ARL15: variants seen among roughly 807,000 people sequenced by gnomAD.
ARL15 encodes ADP-ribosylation factor-like protein 15.
ARL15 carries 19 observed loss-of-function variants against 25.2 expected under a neutral mutation model. The ratio of observed to expected loss-of-function variants is 0.75; its 90% confidence interval spans 0.53 to 1.10. The LOEUF (loss-of-function observed/expected upper bound fraction) is 1.10, where lower values mean the gene tolerates loss of function less well. Among genes scored for constraint, ARL15 ranks in the 50% least tolerant of loss-of-function variants. ARL15 has a pLI of 0.00. For synonymous variants in ARL15, 94 were observed against 86.8 expected (o/e 1.08, Z -0.46); for missense variants, 220 against 246.0 (o/e 0.89, Z 0.71).
intron 4 of ARL15, among the ~76,000 whole-genome samples, chr5:53,934,694 G>A (rs1326424476): frequency 6.6e-6 from 1 of 152,088 alleles, no homozygotes. Flanking sequence ...AAAGTTTTTG[G>A]ACTCCTGCCC....
At chr5:54,070,458 G>C (rs1045255613) in intron 4 of ARL15, among the ~76,000 whole-genome samples, 11 of 151,794 alleles carry the variant, frequency 7.2e-5, no homozygotes, top group African/African-American at 1.9e-4. Context: ...GGGTCACCTC[G>C]GGACTCTGTA....
At chr5:54,069,966 CA>C (rs113814866) in intron 4 of ARL15, among the ~76,000 whole-genome samples, 27,112 of 151,142 alleles carry the variant, frequency 0.18, 3,159 homozygotes, top group African/African-American at 0.33. Flanking sequence ...TGAGCCACCA[CA>C]CCTGGCTGGA....
intron 4 of ARL15, among the ~76,000 whole-genome samples, chr5:54,028,835 G>A (rs954161738): frequency 3.9e-5 from 6 of 152,002 alleles, no homozygotes; most frequent in African/African-American, 1.2e-4. Flanking sequence ...AACATAGCAC[G>A]ACCCCATCTC....
At position 54,250,668 on chromosome 5, in the gene ARL15, G is replaced by A. The variant is rs531869001; in HGVS notation, c.48+59764C>T. Among the ~76,000 whole-genome samples, 11 of 152,092 alleles carry A rather than the reference G, an allele frequency of 7.2e-5. No homozygotes were observed. The East Asian group carries it at 1.5e-3, about 21-fold the overall frequency. On this transcript the variant is annotated intron_variant, in intron 1 of 4. Transcript: ENST00000504924. The stretch of plus-strand genomic sequence containing the variant: ...GTACAGGGACATGGGTAGTAGGGAC[G>A]GGACCAAAAAAAACACCAAGAGCTG...
intron 1 of ARL15, among the ~76,000 whole-genome samples, chr5:54,290,206 C>T (rs1758288730): frequency 6.6e-6 from 1 of 152,194 alleles, no homozygotes; most frequent in South Asian, 2.1e-4. Context: ...CATTTTTTAG[C>T]CAGGCCTCAC....
At chr5:54,233,756 G>A (rs767549254) in intron 1 of ARL15, among the ~76,000 whole-genome samples, 1 of 152,124 alleles carries the variant, frequency 6.6e-6, no homozygotes, top group Non-Finnish European at 1.5e-5. Flanking sequence ...ATCAGAAAAG[G>A]CTATTAAAAT....
intron 4 of ARL15, among the ~76,000 whole-genome samples, chr5:54,032,300 C>G (rs1579720135): frequency 6.6e-6 from 1 of 151,890 alleles, no homozygotes; most frequent in African/African-American, 2.4e-5. Flanking sequence ...GTGGCGTGAT[C>G]TAGGCTCATT....
chr5:54,290,497 G>A (rs1273471430), intron 1 of ARL15, among the ~76,000 whole-genome samples: 3 of 151,800 alleles, frequency 2.0e-5, no homozygotes, highest in Non-Finnish European at 2.9e-5. Flanking sequence ...TAGTAGAGAC[G>A]GGGTTTCACC....
intron 4 of ARL15, among the ~76,000 whole-genome samples, chr5:54,091,781 G>GAA (rs568059007): frequency 8.9e-5 from 13 of 145,470 alleles, no homozygotes; most frequent in Admixed American, 4.8e-4. Context: ...AGGAAACACA[G>GAA]AAAAAAAAAA....
In ARL15 at chr5:54,136,583, A is replaced by T. The variant is rs554479117; in HGVS notation, c.253+17997T>A. 2.6e-5 allele frequency among the ~76,000 whole-genome samples: 4 copies of T among 152,322 alleles called. No individual in the cohort carries two copies. In the East Asian group the frequency reaches 7.7e-4, roughly 29 times the overall value. ...AACAGATTGTGAGGGAAAAAAAAAC[A>T]TACATTAAAAGAAGAATCTGGAGAA... On this transcript the variant is annotated intron_variant, in intron 3 of 4. Coordinates refer to ENST00000504924, the MANE Select transcript of ARL15 (RefSeq NM_019087.3).
At chr5:54,217,068 G>A (rs1233694516) in intron 1 of ARL15, among the ~76,000 whole-genome samples, 6 of 151,998 alleles carry the variant, frequency 3.9e-5, no homozygotes, top group African/African-American at 1.4e-4. Context: ...ATAGGAAAAC[G>A]AGATAAACAG....
At chr5:53,990,233 T>TAA (rs75093797) in intron 4 of ARL15, among the ~76,000 whole-genome samples, 64 of 148,020 alleles carry the variant, frequency 4.3e-4, no homozygotes, top group East Asian at 1.0e-3. Flanking sequence ...GCCCTGTCTC[T>TAA]AAAAAAAAAA....
chr5:54,062,203 G>T (rs1277779167), intron 4 of ARL15, among the ~76,000 whole-genome samples: 1 of 152,276 alleles, frequency 6.6e-6, no homozygotes, highest in East Asian at 1.9e-4. Context: ...GATTTTACAG[G>T]CTCATAGGTG....
At chr5:54,052,038 A>G (rs529301811) in intron 4 of ARL15, among the ~76,000 whole-genome samples, 17 of 152,234 alleles carry the variant, frequency 1.1e-4, no homozygotes, top group Non-Finnish European at 2.5e-4. Flanking sequence ...CAGTCTCAAA[A>G]AGCTATATAA....
At chr5:53,933,297 T>C (rs1188141667) in intron 4 of ARL15, among the ~76,000 whole-genome samples, 1 of 152,136 alleles carries the variant, frequency 6.6e-6, no homozygotes, top group African/African-American at 2.4e-5. Context: ...GTAGTTTGAA[T>C]AGCATTCTTT....
At chr5:54,193,324 C>T (rs1367196268) in intron 1 of ARL15, among the ~76,000 whole-genome samples, 2 of 152,128 alleles carry the variant, frequency 1.3e-5, no homozygotes, top group African/African-American at 4.8e-5. Flanking sequence ...TTGATTTCAC[C>T]TCTTAAATAT....
At chr5:54,006,051 C>CAAA (rs56094450) in intron 4 of ARL15, among the ~76,000 whole-genome samples, 86 of 57,444 alleles carry the variant, frequency 1.5e-3, no homozygotes, top group East Asian at 3.8e-3. Context: ...ATTACATCTC[C>CAAA]AAAAAAAAAA....
At chr5:54,080,699 C>T (rs1167030126) in intron 4 of ARL15, among the ~76,000 whole-genome samples, 8 of 151,862 alleles carry the variant, frequency 5.3e-5, no homozygotes. Context: ...ACAGGGAGTA[C>T]AAAAAAACCC....
intron 1 of ARL15, among the ~76,000 whole-genome samples, chr5:54,220,057 TA>T (rs931647669): frequency 6.6e-6 from 1 of 152,038 alleles, no homozygotes; most frequent in Non-Finnish European, 1.5e-5. Context: ...ACAGATTATT[TA>T]AAAAAAACAC....
Sources: allele counts gnomAD v4.1 joint callset (sites outside exome capture counted in the v4.1 genomes callset), GRCh38; gene constraint gnomAD v4.1.1; transcripts MANE v1.5; gene names NCBI Gene and HGNC (gene_info 2026-07-23, HGNC 2026-07-21).